Variants in CCDC30 observed in about 807,000 individuals in gnomAD.
CCDC30 encodes the protein coiled-coil domain-containing protein 30.
Under a neutral mutation model 100.2 loss-of-function variants are expected in CCDC30, and 70 were observed. That is an observed-to-expected ratio of 0.70 (90% CI 0.58 to 0.85). The LOEUF is 0.85. Ranked by LOEUF, CCDC30 falls within the 40% of genes least tolerant of loss-of-function variation. The pLI is 0.00. For missense variants in CCDC30, 652 were observed against 771.2 expected, an observed-to-expected ratio of 0.85 and a Z score of 1.83; for synonymous variants, 233 against 269.5, an observed-to-expected ratio of 0.86 and a Z score of 1.33.
intron 3 of CCDC30, among the ~76,000 whole-genome samples, chr1:42,485,908 G>T (rs1322104495): frequency 6.6e-6 from 1 of 152,078 alleles, no homozygotes; most frequent in African/African-American, 2.4e-5. Flanking sequence ...TTAGTTATTA[G>T]GGAAGTGCAA....
At chr1:42,482,531 TCA>T (rs145059681) in intron 2 of CCDC30, 130 bp from the exon 3 acceptor site, 68,214 of 461,348 alleles carry the variant, frequency 0.15, 5,353 homozygotes, top group East Asian at 0.17. Flanking sequence ...ACACACACAC[TCA>T]CACACACAAA....
At chr1:42,496,122 AGT>A (rs56267063) in intron 4 of CCDC30, among the ~76,000 whole-genome samples, 35,939 of 147,222 alleles carry the variant, frequency 0.24, 4,546 homozygotes, top group East Asian at 0.42. Flanking sequence ...TTATTTGTGG[AGT>A]GTGTGTGTGT....
intron 10 of CCDC30, among the ~76,000 whole-genome samples, chr1:42,599,273 AG>A: frequency 6.6e-6 from 1 of 152,198 alleles, no homozygotes; most frequent in East Asian, 1.9e-4. Context: ...AGGGACAAGA[AG>A]GAAGAATTAG....
At chr1:42,593,022 C>G (rs1646218093) in intron 10 of CCDC30, 1 of 152,128 alleles carries the variant, frequency 6.6e-6, no homozygotes, top group East Asian at 1.9e-4. Context: ...GAGTTTTTCC[C>G]CATACTAAGC....
intron 11 of CCDC30, among the ~76,000 whole-genome samples, chr1:42,626,559 C>CAAATA (rs1646937574): frequency 6.6e-6 from 1 of 152,010 alleles, no homozygotes. Flanking sequence ...ATAAGGCTTG[C>CAAATA]AAATACTATC....
Position 42,642,551 on chromosome 1 carries a change from A to G in CCDC30, c.1498A>G (p.Ile500Val), listed in dbSNP as rs201295887. 1.2e-4 allele frequency: 195 copies of G among 1,605,850 alleles called. 1 individual carries two copies. Among genetic ancestry groups the G allele is most frequent in the Non-Finnish European group, 2.1e-5 (25 of 1,176,234 alleles). ...AAAAAGGAAACTTCAGGAGCAAGTC[A>G]TAGAGCAAGAACAGTTGATCCACAG... The change falls in exon 13 of 17, where the codon ATA becomes GTA. Residue 500 changes from isoleucine to valine, a missense_variant. Transcript: ENST00000668663.
chr1:42,584,800 G>T (rs1274166965), intron 9 of CCDC30, among the ~76,000 whole-genome samples: 3 of 152,146 alleles, frequency 2.0e-5, no homozygotes, highest in Non-Finnish European at 4.4e-5. Context: ...GAACTTAACA[G>T]ACCACACTGA....
chr1:42,482,892 A>C (rs1643985881), intron 3 of CCDC30, 76 bp downstream of exon 3: 1 of 426,724 alleles, frequency 2.3e-6, no homozygotes, highest in Non-Finnish European at 3.2e-6. Context: ...GGAACATGAG[A>C]AAAAAAAAAA....
At chr1:42,567,027 T>C (rs1220640465) in intron 7 of CCDC30, among the ~76,000 whole-genome samples, 1 of 152,206 alleles carries the variant, frequency 6.6e-6, no homozygotes, top group Admixed American at 6.5e-5. Context: ...GTACTTCCTC[T>C]TAATTATGGT....
chr1:42,468,812 G>A (rs1379021904), intron 1 of CCDC30: 1 of 152,196 alleles, frequency 6.6e-6, no homozygotes, highest in African/African-American at 2.4e-5. Flanking sequence ...AAGTAGCGAA[G>A]CCAAGGTTTG....
chr1:42,473,190 A>C, intron 1 of CCDC30: 1 of 1,231,298 alleles, frequency 8.1e-7, no homozygotes, highest in Non-Finnish European at 1.0e-6. Flanking sequence ...TTGCTACTAC[A>C]GAAGAACAAC....
chr1:42,556,191 C>T (rs747087976), intron 6 of CCDC30: 2 of 1,613,604 alleles, frequency 1.2e-6, no homozygotes, highest in Non-Finnish European at 1.7e-6. Context: ...AAGGAAATTC[C>T]AGAGGAGTCA....
chr1:42,495,503 T>G (rs1644218033), intron 4 of CCDC30, among the ~76,000 whole-genome samples: 1 of 147,782 alleles, frequency 6.8e-6, no homozygotes, highest in African/African-American at 2.5e-5. Context: ...ACTTAAAGTA[T>G]GATAATAAAA....
chr1:42,615,667 GGATGCAAATGAT>G (rs2148649967), intron 11 of CCDC30, among the ~76,000 whole-genome samples: 1 of 152,180 alleles, frequency 6.6e-6, no homozygotes, highest in South Asian at 2.1e-4. Flanking sequence ...GGAACAATGG[GGATGCAAATGAT>G]CAGTATCTAA....
intron 6 of CCDC30, among the ~76,000 whole-genome samples, chr1:42,553,652 T>TACAC (rs60429759): frequency 0.11 from 15,077 of 133,634 alleles, 1,009 homozygotes; most frequent in East Asian, 0.29. Context: ...TGAGATTCCA[T>TACAC]ACACACACAC....
chr1:42,503,648 T>G (rs1010460008), intron 6 of CCDC30, among the ~76,000 whole-genome samples: 1 of 152,184 alleles, frequency 6.6e-6, no homozygotes, highest in Non-Finnish European at 1.5e-5. Context: ...TTGGCACAAC[T>G]GCTGGCATTC....
intron 14 of CCDC30, among the ~76,000 whole-genome samples, chr1:42,645,012 C>T (rs982787370): frequency 2.0e-5 from 3 of 152,154 alleles, no homozygotes; most frequent in African/African-American, 7.2e-5. Flanking sequence ...AGTAAACTAT[C>T]TCCTCCTGTG....
chr1:42,639,734 C>T (rs557741031), intron 12 of CCDC30, among the ~76,000 whole-genome samples: 1 of 152,282 alleles, frequency 6.6e-6, no homozygotes. Flanking sequence ...AGTATTAAAA[C>T]ATACAATTTC....
At chr1:42,474,112 A>G (rs1643849743) in intron 1 of CCDC30, among the ~76,000 whole-genome samples, 1 of 152,178 alleles carries the variant, frequency 6.6e-6, no homozygotes, top group Admixed American at 6.5e-5. Context: ...CACAGGTAAC[A>G]TTTTTAAATT....
Sources: allele counts gnomAD v4.1 joint callset (sites outside exome capture counted in the v4.1 genomes callset), GRCh38; gene constraint gnomAD v4.1.1; transcripts MANE v1.5; gene names NCBI Gene and HGNC (gene_info 2026-07-23, HGNC 2026-07-21).